WHR1: variants seen among roughly 807,000 people sequenced by gnomAD.
WHR1 encodes the protein winged helix repair factor 1, also known as MHC class III HLA-RP1.
chr6:31,976,489 G>A, the WHR1 span, among the ~76,000 whole-genome samples: 19 of 152,028 alleles, frequency 1.2e-4, no homozygotes, highest in East Asian at 7.8e-4. Flanking sequence ...GACGATGAGC[G>A]GCCGGGCAGA....
the WHR1 span, among the ~76,000 whole-genome samples, chr6:31,975,150 C>T: frequency 6.6e-6 from 1 of 151,608 alleles, no homozygotes; most frequent in Admixed American, 6.6e-5. Context: ...TGTCTCTGAT[C>T]AGAATGTCCC....
At chr6:31,972,447 CT>C in the WHR1 span, 1 of 1,613,082 alleles carries the variant, frequency 6.2e-7, no homozygotes. This position sits in a 1 kb window ranked among gnomAD's most constrained non-coding sequence, Gnocchi z 6.3. Context: ...TCCCGGAGAC[CT>C]TTGGAGTTAA....
the WHR1 span, chr6:31,980,384 T>C: frequency 4.2e-5 from 59 of 1,393,372 alleles, no homozygotes; most frequent in South Asian, 6.9e-4. Context: ...TAAACATTAA[T>C]GGATGAGGAG....
At chr6:31,972,073 G>C in the WHR1 span, 4 of 1,612,914 alleles carry the variant, frequency 2.5e-6, no homozygotes, top group South Asian at 4.4e-5. The surrounding 1 kb of genome is among the most constrained non-coding windows in gnomAD (Gnocchi z 6.3). Context: ...CGGGGCGGGG[G>C]AGGTGTGAGC....
At chr6:31,980,266 A>C in the WHR1 span, 2 of 554,766 alleles carry the variant, frequency 3.6e-6, no homozygotes, top group Non-Finnish European at 6.3e-6. Context: ...GCCTGGAACA[A>C]GCAACTGCAC....
the WHR1 span, chr6:31,972,309 G>A: frequency 1.2e-6 from 2 of 1,613,134 alleles, no homozygotes; most frequent in Non-Finnish European, 1.7e-6. This position sits in a 1 kb window ranked among gnomAD's most constrained non-coding sequence, Gnocchi z 6.3. Context: ...TAGGAGGGAC[G>A]CCCGGGGAGA....
At chr6:31,977,338 ATT>A in the WHR1 span, among the ~76,000 whole-genome samples, 7 of 127,404 alleles carry the variant, frequency 5.5e-5, no homozygotes, top group Non-Finnish European at 9.9e-5. Context: ...CGCCCAGCTA[ATT>A]TTTTTTTTTT....
the WHR1 span, chr6:31,979,423 G>T: frequency 5.6e-6 from 9 of 1,612,728 alleles, no homozygotes; most frequent in East Asian, 8.9e-5. Context: ...GGTCCTCAAG[G>T]CCTGTGATGG....
chr6:31,972,527 C>CCGGGGG, the WHR1 span: 1 of 1,600,316 alleles, frequency 6.2e-7, no homozygotes, highest in Non-Finnish European at 8.5e-7. The surrounding 1 kb of genome is among the most constrained non-coding windows in gnomAD (Gnocchi z 6.3). Flanking sequence ...CATGGCAACC[C>CCGGGGG]CGGGGGTGGG....
chr6:31,973,243 C>G, the WHR1 span: 1 of 330,690 alleles, frequency 3.0e-6, no homozygotes, highest in Non-Finnish European at 6.0e-6. Context: ...GGGAGGAGTC[C>G]AGGACAACTC....
the WHR1 span, chr6:31,971,297 A>C: frequency 2.6e-6 from 4 of 1,535,272 alleles, no homozygotes; most frequent in Non-Finnish European, 2.6e-6. The surrounding 1 kb of genome is among the most constrained non-coding windows in gnomAD (Gnocchi z 4.5). Context: ...CTCCAGATAT[A>C]CTGCCTACCA....
the WHR1 span, chr6:31,971,190 T>G: frequency 1.3e-6 from 2 of 1,594,938 alleles, no homozygotes; most frequent in Non-Finnish European, 1.7e-6. The surrounding 1 kb of genome is among the most constrained non-coding windows in gnomAD (Gnocchi z 4.5). Context: ...ACACAAGCAT[T>G]AGTGAGATGC....
chr6:31,973,139 G>T, the WHR1 span: 208 of 451,120 alleles, frequency 4.6e-4, 2 homozygotes, highest in East Asian at 0.01. Flanking sequence ...AGTGGATGAG[G>T]CAGGGAGGTC....
chr6:31,972,114 A>C, the WHR1 span: 1 of 1,612,934 alleles, frequency 6.2e-7, no homozygotes. This position sits in a 1 kb window ranked among gnomAD's most constrained non-coding sequence, Gnocchi z 6.3. Flanking sequence ...CAACGTGGCC[A>C]CCGGCGCCCC....
chr6:31,973,779 C>G, the WHR1 span, among the ~76,000 whole-genome samples: 1 of 152,078 alleles, frequency 6.6e-6, no homozygotes, highest in Non-Finnish European at 1.5e-5. Context: ...GTCAAAATTA[C>G]GTGGGCTGCT....
chr6:31,981,096 G>T, the WHR1 span: 3 of 412,352 alleles, frequency 7.3e-6, no homozygotes, highest in Non-Finnish European at 1.2e-5. Context: ...GCCGGGAGGG[G>T]ACTAGAAGAG....
chr6:31,976,036 G>C, the WHR1 span, among the ~76,000 whole-genome samples: 5 of 147,662 alleles, frequency 3.4e-5, no homozygotes, highest in East Asian at 6.2e-4. Context: ...GGGCGGGGGG[G>C]GCTGACCCCA....
the WHR1 span, chr6:31,979,624 T>C: frequency 2.6e-6 from 4 of 1,553,802 alleles, no homozygotes; most frequent in Non-Finnish European, 3.5e-6. Context: ...CCATCCAGCC[T>C]GTCCTCCTGT....
At chr6:31,975,901 G>T in the WHR1 span, among the ~76,000 whole-genome samples, 2 of 150,370 alleles carry the variant, frequency 1.3e-5, no homozygotes, top group Admixed American at 1.3e-4. Flanking sequence ...GGCTGGCCGG[G>T]CGGGGGGCTG....
Sources: gnomAD v4.1 joint callset for allele counts (sites outside exome capture counted in the v4.1 genomes callset) on GRCh38, gnomAD v4.1.1 for gene constraint, Gnocchi (gnomAD v3.1) non-coding constraint, MANE v1.5 for transcripts, NCBI Gene and HGNC (gene_info 2026-07-23, HGNC 2026-07-21) for gene names.